The following RNGTT variants were observed in gnomAD, a reference collection of about 807,000 sequenced individuals.
RNGTT encodes mRNA-capping enzyme.
A neutral mutation model predicts 79.3 loss-of-function variants in RNGTT; 33 were observed. The ratio of observed to expected loss-of-function variants is 0.42; its 90% CI spans 0.32 to 0.56. The LOEUF (loss-of-function observed/expected upper bound fraction) is 0.56, where lower values mean the gene tolerates loss of function less well. RNGTT is among the 20% of genes least tolerant of loss of function. The pLI, the probability that RNGTT is intolerant of heterozygous loss-of-function variation, is 0.17. For missense variants in RNGTT, 497 were observed against 739.1 expected (o/e 0.67, Z 3.80); for synonymous variants, 222 against 235.9 (o/e 0.94, Z 0.54).
chr6:88,822,320 A>T (rs1361913285), intron 11 of RNGTT, among the ~76,000 whole-genome samples: 2 of 152,348 alleles, frequency 1.3e-5, no homozygotes, highest in East Asian at 3.9e-4. Flanking sequence ...ACAAAATTTA[A>T]AAGAAAATAT....
chr6:88,811,884 C>T (rs1013079507), intron 11 of RNGTT, among the ~76,000 whole-genome samples: 2 of 152,108 alleles, frequency 1.3e-5, no homozygotes, highest in Non-Finnish European at 2.9e-5. Flanking sequence ...TATGTGCTTT[C>T]ATAACTCCCC....
intron 9 of RNGTT, among the ~76,000 whole-genome samples, chr6:88,852,941 C>T (rs891823594): frequency 6.6e-6 from 1 of 152,204 alleles, no homozygotes; most frequent in Non-Finnish European, 1.5e-5. Flanking sequence ...ATGTCCAAAA[C>T]ACATTGCTAA....
At chr6:88,830,763 C>G (rs1780834102) in intron 11 of RNGTT, among the ~76,000 whole-genome samples, 1 of 152,088 alleles carries the variant, frequency 6.6e-6, no homozygotes, top group Non-Finnish European at 1.5e-5. Context: ...GATATCACCA[C>G]CAATCCCACA....
At chr6:88,928,848 C>T in intron 4 of RNGTT, 137 bp downstream of exon 4, 1 of 592,266 alleles carries the variant, frequency 1.7e-6, no homozygotes, top group East Asian at 2.9e-5. Context: ...ACAAGTCAAT[C>T]TCTCATTTTA....
At chr6:88,957,248 C>T (rs1299569371) in intron 1 of RNGTT, among the ~76,000 whole-genome samples, 1 of 152,102 alleles carries the variant, frequency 6.6e-6, no homozygotes, top group African/African-American at 2.4e-5. Flanking sequence ...CTATGACAAA[C>T]ACATGACCAA....
At chr6:88,950,130 C>T (rs903641093) in intron 1 of RNGTT, among the ~76,000 whole-genome samples, 1 of 152,194 alleles carries the variant, frequency 6.6e-6, no homozygotes, top group Non-Finnish European at 1.5e-5. Context: ...TGGATGACAT[C>T]CCATCTGTTT....
intron 15 of RNGTT, among the ~76,000 whole-genome samples, chr6:88,613,111 G>A (rs1215915350): frequency 6.6e-6 from 1 of 152,166 alleles, no homozygotes; most frequent in Non-Finnish European, 1.5e-5. Context: ...AACTTTAAAT[G>A]TTTGGGCTAT....
Position 88,690,411 on chromosome 6 carries a change from T to TAAA in RNGTT, c.1440-11995_1440-11993dup, listed in dbSNP as rs386407874. Among the ~76,000 whole-genome samples the TAAA allele has an allele frequency of 1.9e-3, 279 of 149,612 alleles. 2 individuals are homozygous for TAAA. Among genetic ancestry groups the TAAA allele is most frequent in the African/African-American group, 6.2e-3 (256 of 41,098 alleles). On this transcript the variant is annotated intron_variant, in intron 13 of 15. Coordinates refer to ENST00000369485, the MANE Select transcript of RNGTT (RefSeq NM_003800.5). ...TGTAAGTCTAGAATTATTTTAAAATTAAAAAAAAAAATTGGTCGAGGGCAG... is the reference window on the plus strand; with the variant it reads ...TGTAAGTCTAGAATTATTTTAAAATTAAAAAAAAAAAAAATTGGTCGAGGGCAG...
chr6:88,787,670 A>C (rs553846835), intron 12 of RNGTT, among the ~76,000 whole-genome samples: 9 of 152,200 alleles, frequency 5.9e-5, no homozygotes, highest in Admixed American at 3.9e-4. Context: ...AAAAACAAAA[A>C]AAAAAAAGGA....
Position 88,612,549 on chromosome 6 carries a change from G to T in RNGTT, c.*170C>A. On this transcript the variant is annotated 3_prime_UTR_variant, in exon 16 of 16. Transcript: ENST00000369485. ...GTATTGCAGCACTGAGGAAACGAAT[G>T]CATCAAGTATTTACAGGCTGGCTAC... is the stretch of plus-strand genomic sequence containing the variant. 1 of 660,544 alleles carries T rather than the reference G, an allele frequency of 1.5e-6. No individual in the cohort carries two copies. The highest frequency in any genetic ancestry group is 2.6e-6 in the Non-Finnish European group (1 of 377,890). 40.9% of individuals were successfully genotyped at this position (660,544 alleles called of 1,614,324 possible). A position where few individuals can be genotyped will look rare whatever the true frequency, so the allele number is the denominator to read the frequency against.
At chr6:88,774,729 G>T (rs1224456574) in intron 12 of RNGTT, among the ~76,000 whole-genome samples, 1 of 152,032 alleles carries the variant, frequency 6.6e-6, no homozygotes, top group African/African-American at 2.4e-5. Flanking sequence ...GGAAAATATT[G>T]TATGATTCCA....
intron 14 of RNGTT, among the ~76,000 whole-genome samples, chr6:88,625,600 T>C (rs1452836379): frequency 2.0e-5 from 3 of 151,878 alleles, no homozygotes; most frequent in Non-Finnish European, 4.4e-5. Flanking sequence ...GGGGTTGTCA[T>C]GTGGGGCTCT....
intron 11 of RNGTT, among the ~76,000 whole-genome samples, chr6:88,818,772 T>C (rs1780409089): frequency 2.0e-5 from 3 of 152,092 alleles, no homozygotes; most frequent in Non-Finnish European, 4.4e-5. Context: ...AAATTTGTGA[T>C]ACATACTGAG....
intron 11 of RNGTT, among the ~76,000 whole-genome samples, chr6:88,822,861 T>C (rs913378631): frequency 2.6e-5 from 4 of 152,188 alleles, no homozygotes; most frequent in Non-Finnish European, 5.9e-5. Flanking sequence ...TTTCAACAAA[T>C]GGTGCTAGAA....
chr6:88,955,936 G>C (rs1785415716), intron 1 of RNGTT, among the ~76,000 whole-genome samples: 2 of 151,136 alleles, frequency 1.3e-5, no homozygotes, highest in Admixed American at 1.3e-4. Context: ...AGCTACTTGG[G>C]AGGCTGAGGC....
intron 4 of RNGTT, among the ~76,000 whole-genome samples, chr6:88,911,338 G>C (rs1783825612): frequency 6.6e-6 from 1 of 152,164 alleles, no homozygotes; most frequent in Non-Finnish European, 1.5e-5. Context: ...TGCTATTCTT[G>C]TTTCAGATAA....
intron 13 of RNGTT, among the ~76,000 whole-genome samples, chr6:88,680,475 C>T (rs541669555): frequency 6.6e-6 from 1 of 152,244 alleles, no homozygotes; most frequent in South Asian, 2.1e-4. Flanking sequence ...GGCGTGGTGG[C>T]TCACACCTGT....
chr6:88,640,301 G>A (rs948315445), intron 14 of RNGTT, among the ~76,000 whole-genome samples: 5 of 151,004 alleles, frequency 3.3e-5, no homozygotes, highest in African/African-American at 1.2e-4. Context: ...TGTAATCCCA[G>A]CACTTTGGGA....
chr6:88,810,270 C>G lies in RNGTT; in HGVS notation c.1270-8638G>C, dbSNP rs1041273085. On this transcript the variant is annotated intron_variant, in intron 11 of 15. Coordinates refer to ENST00000369485, the MANE Select transcript of RNGTT (RefSeq NM_003800.5). ...AGACCGGACTTCACTGAAGACGGAA[C>G]AGCCATAGCTCACTGGATGGTGAAG... Among the ~76,000 whole-genome samples the G allele has an allele frequency of 2.0e-5, 3 of 152,144 alleles. No homozygotes were observed. The South Asian group carries it at 6.2e-4, about 32-fold the overall frequency.
Sources: allele counts gnomAD v4.1 joint callset (sites outside exome capture counted in the v4.1 genomes callset), GRCh38; gene constraint gnomAD v4.1.1; transcripts MANE v1.5; gene names NCBI Gene and HGNC (gene_info 2026-07-23, HGNC 2026-07-21).